The following SASH1 variants were observed in gnomAD, a reference collection of about 807,000 sequenced individuals.
The protein encoded by SASH1 is SAM and SH3 domain containing 1.
Under a neutral mutation model 125.2 loss-of-function variants are expected in SASH1, and 44 were observed. The ratio of observed to expected loss-of-function variants is 0.35; its 90% confidence interval spans 0.28 to 0.45. The LOEUF (loss-of-function observed/expected upper bound fraction) is 0.45. Ranked by LOEUF, SASH1 falls within the 20% of genes least tolerant of loss-of-function variation. The pLI, the probability that SASH1 is intolerant of heterozygous loss-of-function variation, is 1.00. For synonymous variants in SASH1, 639 were observed against 649.1 expected (o/e 0.98, Z 0.24); for missense variants, 1,426 against 1,614.5 (o/e 0.88, Z 2.00).
the SASH1 span, among the ~76,000 whole-genome samples, chr6:148,242,376 C>T: frequency 5.1e-4 from 77 of 152,250 alleles, no homozygotes; most frequent in Non-Finnish European, 8.5e-4. Context: ...AGGCACTTTA[C>T]GAGACTCTGA....
At chr6:148,419,746 A>G (rs1049156181) in intron 2 of SASH1, among the ~76,000 whole-genome samples, 19 of 152,212 alleles carry the variant, frequency 1.2e-4, no homozygotes, top group Non-Finnish European at 2.2e-4. Flanking sequence ...AGAAAAAGAC[A>G]TGCTATGTGC....
rs1455845291 is a variant in SASH1 at position 148,461,194 on chromosome 6, G to A, written c.387-7351G>A. Among the ~76,000 whole-genome samples, 5 of 152,160 alleles carry A rather than the reference G, an allele frequency of 3.3e-5. No individual in the cohort carries two copies. The South Asian group carries it at 6.2e-4, about 19-fold the overall frequency. On this transcript the variant is annotated intron_variant, in intron 4 of 19. Transcript: ENST00000367467. ...AGTCAAGGCTTAGATTGGTGGCAGCGCTGTCATTTACCCCTAGTTCTGCCT... is the reference window on the plus strand; with the variant it reads ...AGTCAAGGCTTAGATTGGTGGCAGCACTGTCATTTACCCCTAGTTCTGCCT...
intron 1 of SASH1, among the ~76,000 whole-genome samples, chr6:148,374,062 A>G (rs1443459283): frequency 6.6e-6 from 1 of 152,258 alleles, no homozygotes; most frequent in Non-Finnish European, 1.5e-5. Context: ...TCCTGACAGA[A>G]TCAACTAGGC....
chr6:148,262,476 C>T, the SASH1 span, among the ~76,000 whole-genome samples: 1 of 152,128 alleles, frequency 6.6e-6, no homozygotes, highest in African/African-American at 2.4e-5. Flanking sequence ...GTTGGCTTGA[C>T]AGTGTCAAGC....
chr6:148,233,871 C>CCA, the SASH1 span, among the ~76,000 whole-genome samples: 1 of 150,512 alleles, frequency 6.6e-6, no homozygotes, highest in African/African-American at 2.4e-5. Context: ...GATGATGGCA[C>CCA]CACCGCACTC....
chr6:148,458,779 A>G (rs1348332963), intron 4 of SASH1, among the ~76,000 whole-genome samples: 3 of 152,148 alleles, frequency 2.0e-5, no homozygotes, highest in Non-Finnish European at 2.9e-5. Flanking sequence ...CCTGGGCTAC[A>G]TAATGAGATG....
At position 148,326,372 on chromosome 6, in the gene SASH1, A is replaced by T. The variant is rs1484873209; in HGVS notation, n.74+53995A>T. 4.8e-4 allele frequency among the ~76,000 whole-genome samples: 19 copies of T among 39,372 alleles called. No homozygotes were observed. In the East Asian group the frequency reaches 5.4e-3, roughly 11 times the overall value. 25.8% of individuals were successfully genotyped at this position (39,372 alleles called of 152,430 possible). A position where few individuals can be genotyped will look rare whatever the true frequency, so the allele number is the denominator to read the frequency against. ...TATATATATATGCATATATATATAT[A>T]TACATTCTTTTCTTTTCTTTTCTTT... On this transcript the variant is annotated intron_variant and non_coding_transcript_variant, in intron 1 of 3. Coordinates refer to the SASH1 transcript ENST00000367469.
the SASH1 span, among the ~76,000 whole-genome samples, chr6:148,195,271 C>T: frequency 6.6e-6 from 1 of 152,170 alleles, no homozygotes; most frequent in Non-Finnish European, 1.5e-5. Context: ...TGCATGTCCT[C>T]CAGGCAGAGA....
chr6:148,222,454 G>A, the SASH1 span, among the ~76,000 whole-genome samples: 7 of 152,188 alleles, frequency 4.6e-5, no homozygotes, highest in African/African-American at 1.7e-4. Context: ...CTCAGGAAGA[G>A]ACACCGAGAT....
intron 2 of SASH1, among the ~76,000 whole-genome samples, chr6:148,422,112 A>C (rs1785128998): frequency 6.6e-6 from 1 of 152,192 alleles, no homozygotes; most frequent in South Asian, 2.1e-4. Context: ...CTACCTAGGC[A>C]CAGCAGCAAT....
intron 1 of SASH1, among the ~76,000 whole-genome samples, chr6:148,285,235 T>A (rs1779452050): frequency 6.6e-6 from 1 of 152,218 alleles, no homozygotes; most frequent in Non-Finnish European, 1.5e-5. Flanking sequence ...ACAGAAAGAC[T>A]GGTTTGAGGT....
chr6:148,220,297 G>C, the SASH1 span, among the ~76,000 whole-genome samples: 2 of 152,154 alleles, frequency 1.3e-5, no homozygotes, highest in South Asian at 4.1e-4. Context: ...AGAGCAAAAG[G>C]GGGATGAACG....
chr6:148,502,707 A>G lies in SASH1; in HGVS notation c.730-11617A>G, dbSNP rs370730173. On this transcript the variant is annotated intron_variant, in intron 8 of 19. Transcript: ENST00000367467. The stretch of plus-strand genomic sequence containing the variant: ...TTTATAAAAGCAACAACATCAGCTG[A>G]GCTCTTCTTTGTCTAGATAGGAGGG... 5.7e-4 allele frequency among the ~76,000 whole-genome samples: 75 copies of G among 130,452 alleles called. 1 individual carries two copies. In the South Asian group the frequency reaches 0.018, roughly 31 times the overall value. The allele number at this position is 130,452 out of a possible 152,430, so 85.6% of individuals were successfully genotyped here. A position where few individuals can be genotyped will look rare whatever the true frequency, so the allele number is the denominator to read the frequency against.
chr6:148,512,105 G>A (rs1482469200), intron 8 of SASH1, among the ~76,000 whole-genome samples: 2 of 152,012 alleles, frequency 1.3e-5, no homozygotes, highest in Non-Finnish European at 2.9e-5. Flanking sequence ...TGCAAGCTCC[G>A]CCTCCTGGGT....
intron 2 of SASH1, among the ~76,000 whole-genome samples, chr6:148,398,085 A>G (rs962109395): frequency 6.6e-6 from 1 of 152,136 alleles, no homozygotes; most frequent in Admixed American, 6.5e-5. Flanking sequence ...TCACAGTTTC[A>G]TCCAAGGCCA....
At chr6:148,481,630 G>A (rs1314113095) in intron 7 of SASH1, among the ~76,000 whole-genome samples, 1 of 152,134 alleles carries the variant, frequency 6.6e-6, no homozygotes, top group Non-Finnish European at 1.5e-5. Flanking sequence ...GCTTGAGCAG[G>A]AGGGAGAGAG....
At chr6:148,220,724 G>A in the SASH1 span, among the ~76,000 whole-genome samples, 1 of 152,166 alleles carries the variant, frequency 6.6e-6, no homozygotes, top group East Asian at 1.9e-4. Flanking sequence ...AGACCAGCCT[G>A]GCCAACATGG....
chr6:148,534,926 G>A (rs1048005533), intron 16 of SASH1, 25 bp downstream of exon 16: 11 of 1,612,550 alleles, frequency 6.8e-6, no homozygotes, highest in Non-Finnish European at 8.5e-6. Context: ...GCACAGAGGT[G>A]TTCCCTGTGA....
At position 148,544,920 on chromosome 6, in the gene SASH1, C is replaced by G. The variant is rs1782467978; in HGVS notation, c.3348+102C>G. On this transcript the variant is annotated intron_variant, in intron 18 of 19. Coordinates refer to ENST00000367467, the MANE Select transcript of SASH1 (RefSeq NM_015278.5). The surrounding 1 kb of genome is among the most constrained non-coding windows in gnomAD (Gnocchi z 6.4). ...CATCTGAAGCCAGCCCGGTAGCCCG[C>G]CCAGTGGACAGGAGACACCTGAATC... 1 of 1,176,104 alleles carries G rather than the reference C, an allele frequency of 8.5e-7. No individual in the cohort carries two copies. Among genetic ancestry groups the G allele is most frequent in the Admixed American group, 2.7e-5 (1 of 37,196 alleles). The allele number at this position is 1,176,104 out of a possible 1,614,324, so 72.9% of individuals were successfully genotyped here.
Sources: gnomAD v4.1 joint callset for allele counts (sites outside exome capture counted in the v4.1 genomes callset) on GRCh38, gnomAD v4.1.1 for gene constraint, Gnocchi (gnomAD v3.1) non-coding constraint, MANE v1.5 for transcripts, NCBI Gene and HGNC (gene_info 2026-07-23, HGNC 2026-07-21) for gene names.